Variants in TCF12 observed in about 807,000 individuals in gnomAD.
TCF12 encodes the protein transcription factor 12, also known as DNA-binding protein HTF4.
TCF12 carries 45 observed loss-of-function variants against 86.0 expected under a neutral mutation model. That is an observed-to-expected ratio of 0.52 (90% CI 0.41 to 0.67). The LOEUF (loss-of-function observed/expected upper bound fraction) is 0.67. Among genes scored for constraint, TCF12 ranks in the 30% least tolerant of loss-of-function variants. The pLI, the probability that TCF12 is intolerant of heterozygous loss-of-function variation, is 0.00. For synonymous variants in TCF12, 330 were observed against 299.6 expected (o/e 1.10, Z -1.05); for missense variants, 881 against 859.9 (o/e 1.02, Z -0.31).
chr15:57,190,659 C>T (rs944412054), intron 6 of TCF12, among the ~76,000 whole-genome samples: 2 of 152,084 alleles, frequency 1.3e-5, no homozygotes, highest in East Asian at 3.9e-4. Flanking sequence ...CCAAACTAAC[C>T]TCGTTTGTTT....
chr15:57,166,544 AAATTATCC>A (rs2054907921), intron 6 of TCF12, 78 bp downstream of exon 6: 3 of 1,248,152 alleles, frequency 2.4e-6, no homozygotes, highest in African/African-American at 3.0e-5. Context: ...GATGAGATAG[AAATTATCC>A]AATTTATTTC....
chr15:56,935,893 A>G (rs1335561045), intron 3 of TCF12, among the ~76,000 whole-genome samples: 1 of 152,102 alleles, frequency 6.6e-6, no homozygotes, highest in Non-Finnish European at 1.5e-5. Flanking sequence ...TTTATCCACT[A>G]GTTGATAGAT....
At chr15:57,039,284 C>G (rs1396044621) in intron 3 of TCF12, among the ~76,000 whole-genome samples, 2 of 152,118 alleles carry the variant, frequency 1.3e-5, no homozygotes, top group African/African-American at 4.8e-5. Context: ...AATAAATAGA[C>G]ATGGGTTGTT....
At chr15:57,035,770 G>C (rs1185637891) in intron 3 of TCF12, among the ~76,000 whole-genome samples, 1 of 152,104 alleles carries the variant, frequency 6.6e-6, no homozygotes, top group Non-Finnish European at 1.5e-5. Context: ...TAGAAAAGTG[G>C]ATCAGGATCA....
chr15:57,158,898 G>T (rs781690012), intron 5 of TCF12, among the ~76,000 whole-genome samples: 2 of 152,230 alleles, frequency 1.3e-5, no homozygotes, highest in Non-Finnish European at 2.9e-5. Flanking sequence ...GTAGCCAGCA[G>T]TGTGGTTGGC....
chr15:57,139,569 A>T (rs2151394503), intron 5 of TCF12, among the ~76,000 whole-genome samples: 1 of 152,158 alleles, frequency 6.6e-6, no homozygotes, highest in South Asian at 2.1e-4. Flanking sequence ...CTCCTGCATA[A>T]CTAAACCACC....
intron 6 of TCF12, among the ~76,000 whole-genome samples, chr15:57,190,815 C>T (rs562210182): frequency 1.3e-5 from 2 of 152,140 alleles, no homozygotes; most frequent in East Asian, 1.9e-4. Context: ...TTCTCTTAAT[C>T]ATATTTTTGA....
intron 3 of TCF12, among the ~76,000 whole-genome samples, chr15:56,993,360 C>A (rs1483032365): frequency 3.3e-5 from 5 of 152,164 alleles, no homozygotes; most frequent in Admixed American, 6.5e-5. Flanking sequence ...ACTTTCCTCT[C>A]CAGTTGACAA....
chr15:57,218,520 CT>C (rs1566932267), intron 8 of TCF12, among the ~76,000 whole-genome samples: 1 of 152,072 alleles, frequency 6.6e-6, no homozygotes, highest in South Asian at 2.1e-4. Flanking sequence ...CTTATTTTTC[CT>C]TTCTGAGAAA....
In TCF12 at chr15:57,033,181, T is replaced by C. The variant is rs954675963; in HGVS notation, c.149-30569T>C. 1.2e-4 allele frequency among the ~76,000 whole-genome samples: 18 copies of C among 152,248 alleles called. No individual in the cohort carries two copies. In the East Asian group the frequency reaches 2.9e-3, roughly 24 times the overall value. The stretch of plus-strand genomic sequence containing the variant: ...AGAGCTTCAGAGAACTGTGGACTGG[T>C]AACATTAGGACTAAAACTTATGTCA... On this transcript the variant is annotated intron_variant, in intron 3 of 20. Coordinates refer to ENST00000333725, the MANE Select transcript of TCF12 (RefSeq NM_207037.2).
intron 4 of TCF12, among the ~76,000 whole-genome samples, chr15:57,068,633 A>G (rs2069108334): frequency 1.3e-5 from 2 of 152,168 alleles, no homozygotes; most frequent in African/African-American, 4.8e-5. Context: ...GCTGAATATA[A>G]TCAAATTCGG....
intron 5 of TCF12, among the ~76,000 whole-genome samples, chr15:57,123,797 C>CA (rs1241812812): frequency 2.6e-5 from 4 of 151,210 alleles, no homozygotes; most frequent in Admixed American, 2.0e-4. Flanking sequence ...TAGAAAAGTA[C>CA]AAAAAACAAA....
intron 5 of TCF12, among the ~76,000 whole-genome samples, chr15:57,129,045 C>G (rs1482065686): frequency 6.6e-6 from 1 of 152,058 alleles, no homozygotes; most frequent in Non-Finnish European, 1.5e-5. Flanking sequence ...TGGGTGTATA[C>G]CTAGGAGTGG....
chr15:57,107,452 T>C (rs768749974), intron 5 of TCF12, among the ~76,000 whole-genome samples: 2 of 152,166 alleles, frequency 1.3e-5, no homozygotes, highest in African/African-American at 2.4e-5. Context: ...AATAGGAATT[T>C]TAGGGCAGTG....
intron 3 of TCF12, among the ~76,000 whole-genome samples, chr15:56,957,745 T>C (rs1392176283): frequency 6.6e-6 from 1 of 152,236 alleles, no homozygotes; most frequent in African/African-American, 2.4e-5. Flanking sequence ...TAATTTTTTA[T>C]TGGATTCCAG....
At chr15:57,264,606 A>C (rs1394558550) in intron 18 of TCF12, among the ~76,000 whole-genome samples, 3 of 152,158 alleles carry the variant, frequency 2.0e-5, no homozygotes, top group Admixed American at 6.5e-5. Context: ...ATGTTAGCCT[A>C]GGCCTACACA....
At chr15:56,980,034 A>G (rs16977173) in intron 3 of TCF12, among the ~76,000 whole-genome samples, 1,737 of 152,270 alleles carry the variant, frequency 0.011, 35 homozygotes, top group African/African-American at 0.04. Flanking sequence ...TAGTTTACAT[A>G]TGTATCAGCC....
At chr15:57,160,154 A>T (rs1362853506) in intron 5 of TCF12, among the ~76,000 whole-genome samples, 2 of 152,232 alleles carry the variant, frequency 1.3e-5, no homozygotes, top group Admixed American at 6.5e-5. Context: ...ATCTGCTCTG[A>T]GGTTGCTAAT....
chr15:56,924,620 A>G (rs1165678407), intron 3 of TCF12, among the ~76,000 whole-genome samples: 2 of 152,216 alleles, frequency 1.3e-5, no homozygotes, highest in Admixed American at 6.5e-5. Flanking sequence ...AATAGCTATA[A>G]TTTGTAGTAA....
Sources: gnomAD v4.1 joint callset for allele counts (sites outside exome capture counted in the v4.1 genomes callset) on GRCh38, gnomAD v4.1.1 for gene constraint, MANE v1.5 for transcripts, NCBI Gene and HGNC (gene_info 2026-07-23, HGNC 2026-07-21) for gene names.